LRRC69: variants seen among roughly 807,000 people sequenced by gnomAD.
The protein encoded by LRRC69 is leucine-rich repeat-containing protein 69.
A neutral mutation model predicts 37.8 loss-of-function variants in LRRC69; 42 were observed. The ratio of observed to expected loss-of-function variants is 1.11; its 90% CI spans 0.87 to 1.44. The LOEUF (loss-of-function observed/expected upper bound fraction) is 1.44. Among genes scored for constraint, LRRC69 ranks in the 40% most tolerant of loss-of-function variants. The pLI is 0.00. For synonymous variants in LRRC69, 141 were observed against 143.1 expected (o/e 0.99, Z 0.11); for missense variants, 357 against 401.9 (o/e 0.89, Z 0.96).
chr8:91,142,829 G>T (rs1188601854), intron 5 of LRRC69, among the ~76,000 whole-genome samples: 1 of 151,992 alleles, frequency 6.6e-6, no homozygotes, highest in Non-Finnish European at 1.5e-5. Context: ...GGTTGGGGCA[G>T]TCTCTGTCAT....
intron 7 of LRRC69, among the ~76,000 whole-genome samples, chr8:91,209,152 C>T (rs183048340): frequency 3.0e-4 from 46 of 152,240 alleles, no homozygotes; most frequent in Admixed American, 2.3e-3. Flanking sequence ...TGGGGCCAGG[C>T]GTGGTGGCTC....
chr8:91,170,262 C>A, intron 5 of LRRC69, among the ~76,000 whole-genome samples: 1 of 96,784 alleles, frequency 1.0e-5, no homozygotes, highest in Non-Finnish European at 2.2e-5. Flanking sequence ...ATTTGCATTT[C>A]TCTGATGGCC....
chr8:91,188,454 G>C (rs1349857868), intron 5 of LRRC69, among the ~76,000 whole-genome samples: 1 of 152,154 alleles, frequency 6.6e-6, no homozygotes, highest in Non-Finnish European at 1.5e-5. Flanking sequence ...TGTGTTCAGT[G>C]ACTTGAATCA....
At chr8:91,109,604 T>C (rs1813377166) in intron 1 of LRRC69, among the ~76,000 whole-genome samples, 1 of 152,112 alleles carries the variant, frequency 6.6e-6, no homozygotes. Flanking sequence ...TGATGGCATA[T>C]TAAAAGGCAA....
intron 5 of LRRC69, among the ~76,000 whole-genome samples, chr8:91,152,847 T>C (rs962377995): frequency 2.6e-5 from 4 of 151,180 alleles, no homozygotes; most frequent in African/African-American, 7.3e-5. Flanking sequence ...GCTAGCATCA[T>C]GATGACATTA....
intron 7 of LRRC69, among the ~76,000 whole-genome samples, chr8:91,217,011 T>C (rs185125772): frequency 2.0e-4 from 30 of 152,252 alleles, no homozygotes; most frequent in Non-Finnish European, 3.8e-4. Context: ...CTTTTTCTTA[T>C]ATTGTGAAAT....
At chr8:91,161,282 T>C (rs564568827) in intron 5 of LRRC69, among the ~76,000 whole-genome samples, 1 of 151,422 alleles carries the variant, frequency 6.6e-6, no homozygotes, top group Admixed American at 6.6e-5. Flanking sequence ...CCTTTTGTGG[T>C]TTTGGTATAA....
At chr8:91,152,400 G>T (rs144794686) in intron 5 of LRRC69, among the ~76,000 whole-genome samples, 2,945 of 151,566 alleles carry the variant, frequency 0.019, 81 homozygotes, top group African/African-American at 0.067. Context: ...TTTCCCCATT[G>T]CTTGTTTTGT....
intron 5 of LRRC69, chr8:91,158,075 C>T: frequency 7.0e-7 from 1 of 1,432,498 alleles, no homozygotes; most frequent in Non-Finnish European, 9.8e-7. Context: ...CTACTCAATA[C>T]ATGCCCATGG....
In LRRC69 at chr8:91,165,539, A is replaced by G. The variant is rs1277817776; in HGVS notation, c.652-23983A>G. Among the ~76,000 whole-genome samples, 19 of 151,874 alleles carry G rather than the reference A, an allele frequency of 1.3e-4. No individual in the cohort carries two copies. The East Asian group carries it at 2.9e-3, about 23-fold the overall frequency. The stretch of plus-strand genomic sequence containing the variant: ...TTGTAAGAAGGGAGTTAGTGCTAAT[A>G]TATTAAAATAATCTGGTGGCAAGAT... On this transcript the variant is annotated intron_variant, in intron 5 of 7. Transcript: ENST00000448384.
intron 5 of LRRC69, among the ~76,000 whole-genome samples, chr8:91,168,359 ACCCCCAT>A (rs201150824): frequency 0.052 from 7,929 of 151,250 alleles, 295 homozygotes; most frequent in Middle Eastern, 0.16. Flanking sequence ...AGCTGCTGAC[ACCCCCAT>A]CTCCAGCCCT....
intron 1 of LRRC69, among the ~76,000 whole-genome samples, chr8:91,117,860 T>C (rs1442818919): frequency 6.6e-6 from 1 of 151,824 alleles, no homozygotes; most frequent in Non-Finnish European, 1.5e-5. Context: ...GCTCCATCTT[T>C]TCAGAGAGGG....
At chr8:91,184,692 C>T (rs996058400) in intron 5 of LRRC69, among the ~76,000 whole-genome samples, 1 of 152,164 alleles carries the variant, frequency 6.6e-6, no homozygotes, top group African/African-American at 2.4e-5. Flanking sequence ...CCCTCTCAAC[C>T]ACTAAAGATC....
chr8:91,197,229 C>T (rs1190835829), intron 6 of LRRC69, among the ~76,000 whole-genome samples: 3 of 152,160 alleles, frequency 2.0e-5, no homozygotes, highest in Non-Finnish European at 4.4e-5. Flanking sequence ...GCTGGGAGAA[C>T]CACTGCTCTC....
chr8:91,201,289 T>C (rs1035490166), intron 7 of LRRC69, among the ~76,000 whole-genome samples: 6 of 152,220 alleles, frequency 3.9e-5, no homozygotes, highest in Non-Finnish European at 8.8e-5. Context: ...AGGCGTGTTC[T>C]AGACCAGAGC....
chr8:91,202,622 A>G lies in LRRC69; in HGVS notation c.933+1830A>G, dbSNP rs867609895. ...TGTATTAATGGGAAATCACTTTTTGATTCGAGGAACTGAAAAATGGTTCAG... is the reference window on the plus strand; with the variant it reads ...TGTATTAATGGGAAATCACTTTTTGGTTCGAGGAACTGAAAAATGGTTCAG... On this transcript the variant is annotated intron_variant, in intron 7 of 7. Transcript: ENST00000448384. Among the ~76,000 whole-genome samples, 39 of 152,290 alleles carry G rather than the reference A, an allele frequency of 2.6e-4. No homozygotes were observed. In the Middle Eastern group the frequency reaches 0.014, roughly 53 times the overall value.
At chr8:91,162,219 T>C (rs1235573169) in intron 5 of LRRC69, among the ~76,000 whole-genome samples, 1 of 151,588 alleles carries the variant, frequency 6.6e-6, no homozygotes, top group African/African-American at 2.4e-5. Flanking sequence ...GAAGAATGTG[T>C]ATTCTGCAGC....
At chr8:91,148,952 T>A (rs1030111879) in intron 5 of LRRC69, among the ~76,000 whole-genome samples, 5 of 151,894 alleles carry the variant, frequency 3.3e-5, no homozygotes, top group Non-Finnish European at 7.4e-5. Context: ...CTTGTAAATT[T>A]GTTTGAGTTC....
chr8:91,133,156 A>G (rs778165021), exon 4 of LRRC69: 6 of 1,534,562 alleles, frequency 3.9e-6, no homozygotes. Flanking sequence ...CCAACTAGCC[A>G]GCATTCCTAG....
Sources: allele counts gnomAD v4.1 joint callset (sites outside exome capture counted in the v4.1 genomes callset), GRCh38; gene constraint gnomAD v4.1.1; transcripts MANE v1.5; gene names NCBI Gene and HGNC (gene_info 2026-07-23, HGNC 2026-07-21).